The following CDH12 variants were observed in gnomAD, a reference collection of about 807,000 sequenced individuals.
The protein encoded by CDH12 is cadherin-12.
In CDH12, 41 loss-of-function variants were observed where a neutral mutation model predicts 74.1. The observed-to-expected ratio is 0.55, with a 90% confidence interval of 0.43 to 0.72. The LOEUF (loss-of-function observed/expected upper bound fraction) is 0.72, where lower values mean the gene tolerates loss of function less well. Among genes scored for constraint, CDH12 ranks in the 30% least tolerant of loss-of-function variants. CDH12 has a pLI of 0.00. For missense variants in CDH12, 945 were observed against 977.2 expected, an observed-to-expected ratio of 0.97 and a Z score of 0.44; for synonymous variants, 399 against 355.0, an observed-to-expected ratio of 1.12 and a Z score of -1.39.
intron 12 of CDH12, among the ~76,000 whole-genome samples, chr5:21,764,752 G>T (rs539164405): frequency 6.6e-6 from 1 of 150,634 alleles, no homozygotes; most frequent in East Asian, 2.0e-4. Flanking sequence ...ATTATACAAA[G>T]AACTTTCACT....
At chr5:21,822,612 A>G (rs1052611931) in intron 8 of CDH12, among the ~76,000 whole-genome samples, 1 of 152,212 alleles carries the variant, frequency 6.6e-6, no homozygotes, top group Non-Finnish European at 1.5e-5. Flanking sequence ...CATACAGTGA[A>G]TGGAATCTCT....
intron 3 of CDH12, among the ~76,000 whole-genome samples, chr5:22,292,017 A>C (rs1334008925): frequency 6.6e-6 from 1 of 152,186 alleles, no homozygotes; most frequent in African/African-American, 2.4e-5. Context: ...CTCAAAAACT[A>C]ATGGAAAATA....
At chr5:22,154,657 TATA>T (rs57078125) in intron 4 of CDH12, among the ~76,000 whole-genome samples, 126,633 of 149,416 alleles carry the variant, frequency 0.85, 54,660 homozygotes, top group East Asian at 1. Context: ...TATACACATA[TATA>T]ATAATAATAA....
chr5:22,624,331 A>ACCT (rs1738154551), intron 1 of CDH12, among the ~76,000 whole-genome samples: 3 of 149,832 alleles, frequency 2.0e-5, no homozygotes, highest in Admixed American at 6.7e-5. Context: ...TAAACTAAAG[A>ACCT]GCTGCACAGC....
intron 3 of CDH12, among the ~76,000 whole-genome samples, chr5:22,272,654 T>A (rs981207780): frequency 8.5e-5 from 13 of 152,132 alleles, no homozygotes; most frequent in Non-Finnish European, 1.8e-4. Flanking sequence ...GGGTTATTAA[T>A]TGGCCTCATT....
intron 2 of CDH12, among the ~76,000 whole-genome samples, chr5:22,490,145 T>A (rs1746799449): frequency 6.6e-6 from 1 of 152,218 alleles, no homozygotes; most frequent in Non-Finnish European, 1.5e-5. Flanking sequence ...GTTTTCACCT[T>A]TTCCTTTGAT....
At chr5:22,670,368 C>T (rs1277688451) in intron 1 of CDH12, among the ~76,000 whole-genome samples, 1 of 152,028 alleles carries the variant, frequency 6.6e-6, no homozygotes, top group East Asian at 1.9e-4. Flanking sequence ...TTTATGATTA[C>T]AAAAGTATCA....
intron 4 of CDH12, chr5:22,172,318 C>T (rs1749077092): frequency 6.6e-6 from 1 of 151,852 alleles, no homozygotes; most frequent in Non-Finnish European, 1.5e-5. Flanking sequence ...CCTCTTTATT[C>T]ACTATACTCC....
intron 4 of CDH12, among the ~76,000 whole-genome samples, chr5:22,105,116 T>A (rs1744351692): frequency 6.6e-6 from 1 of 151,790 alleles, no homozygotes; most frequent in Non-Finnish European, 1.5e-5. Flanking sequence ...TTTTTGAGAT[T>A]GAGTCTCACT....
At chr5:22,509,643 A>G (rs902404155) in intron 1 of CDH12, among the ~76,000 whole-genome samples, 4 of 152,160 alleles carry the variant, frequency 2.6e-5, no homozygotes, top group Non-Finnish European at 5.9e-5. Context: ...GGAACTAATA[A>G]TGAGCTGCTT....
At chr5:22,437,822 A>G (rs1479593570) in intron 2 of CDH12, among the ~76,000 whole-genome samples, 1 of 152,040 alleles carries the variant, frequency 6.6e-6, no homozygotes, top group Admixed American at 6.6e-5. Context: ...TAGTATAACC[A>G]AAGTTTAGAT....
At chr5:22,696,587 A>G (rs1742376366) in intron 1 of CDH12, among the ~76,000 whole-genome samples, 1 of 152,170 alleles carries the variant, frequency 6.6e-6, no homozygotes, top group Non-Finnish European at 1.5e-5. Flanking sequence ...TTAATTTTGT[A>G]CATTCATCAG....
chr5:22,086,746 A>G (rs1743093887), intron 4 of CDH12, among the ~76,000 whole-genome samples: 1 of 152,088 alleles, frequency 6.6e-6, no homozygotes, highest in Non-Finnish European at 1.5e-5. Context: ...CAAGAAAAAA[A>G]AAATGTTAAA....
intron 3 of CDH12, among the ~76,000 whole-genome samples, chr5:22,281,934 AG>A (rs1460383383): frequency 6.6e-6 from 1 of 152,194 alleles, no homozygotes; most frequent in Admixed American, 6.5e-5. Flanking sequence ...CTCAGCAAAA[AG>A]AACAAAGCTG....
intron 11 of CDH12, among the ~76,000 whole-genome samples, chr5:21,776,533 T>C (rs1259847547): frequency 2.0e-5 from 3 of 152,218 alleles, no homozygotes; most frequent in East Asian, 1.9e-4. Flanking sequence ...GCTGTCTTTC[T>C]ACCCTTAAAA....
intron 3 of CDH12, among the ~76,000 whole-genome samples, chr5:22,384,606 T>C (rs1427544614): frequency 2.0e-5 from 3 of 151,956 alleles, no homozygotes; most frequent in African/African-American, 7.2e-5. Flanking sequence ...AAAAAAAGGT[T>C]TCAAGGTTGC....
At chr5:22,557,135 C>A (rs904969734) in intron 1 of CDH12, among the ~76,000 whole-genome samples, 1 of 151,982 alleles carries the variant, frequency 6.6e-6, no homozygotes, top group Non-Finnish European at 1.5e-5. Flanking sequence ...TAAACTTGCC[C>A]ACTATAATTT....
intron 5 of CDH12, among the ~76,000 whole-genome samples, chr5:22,009,195 G>C (rs1196315464): frequency 6.6e-6 from 1 of 152,138 alleles, no homozygotes; most frequent in South Asian, 2.1e-4. Context: ...CACCACTAAG[G>C]CCATGTTCTT....
intron 6 of CDH12, among the ~76,000 whole-genome samples, chr5:21,882,267 TATTTA>T (rs1752390879): frequency 1.3e-5 from 2 of 152,256 alleles, no homozygotes; most frequent in Admixed American, 1.3e-4. Flanking sequence ...TTGTGACGTA[TATTTA>T]ATTTGCTTAT....
Sources: allele counts gnomAD v4.1 joint callset (sites outside exome capture counted in the v4.1 genomes callset), GRCh38; gene constraint gnomAD v4.1.1; transcripts MANE v1.5; gene names NCBI Gene and HGNC (gene_info 2026-07-23, HGNC 2026-07-21).